TMCC1: variants seen among roughly 807,000 people sequenced by gnomAD.
TMCC1 encodes the protein transmembrane and coiled-coil domains protein 1.
In TMCC1, 15 loss-of-function variants were observed where a neutral mutation model predicts 52.4. That is an observed-to-expected ratio of 0.29 (90% confidence interval 0.19 to 0.44). TMCC1 has a LOEUF of 0.44. Ranked by LOEUF, TMCC1 falls within the 20% of genes least tolerant of loss-of-function variation. The pLI, the probability that TMCC1 is intolerant of heterozygous loss-of-function variation, is 1.00. For synonymous variants in TMCC1, 279 were observed against 301.9 expected, an observed-to-expected ratio of 0.92 and a Z score of 0.79; for missense variants, 503 against 806.0, an observed-to-expected ratio of 0.62 and a Z score of 4.55.
chr3:129,854,650 C>T (rs1208835762), intron 2 of TMCC1, among the ~76,000 whole-genome samples: 1 of 152,152 alleles, frequency 6.6e-6, no homozygotes, highest in African/African-American at 2.4e-5. Flanking sequence ...GGCCTCTGCA[C>T]TTGCTATTTC....
chr3:129,709,579 G>GT (rs1335732675), intron 4 of TMCC1, among the ~76,000 whole-genome samples: 25 of 148,732 alleles, frequency 1.7e-4, no homozygotes, highest in African/African-American at 6.2e-4. Flanking sequence ...TGAGGTCCAA[G>GT]TTTTTTGTTG....
chr3:129,746,599 GAAT>G (rs1253178760), intron 4 of TMCC1, among the ~76,000 whole-genome samples: 4 of 152,130 alleles, frequency 2.6e-5, no homozygotes, highest in Non-Finnish European at 4.4e-5. Context: ...TTGTGCATTT[GAAT>G]AATAGGTGTT....
At chr3:129,671,665 C>T (rs958642763) in intron 4 of TMCC1, among the ~76,000 whole-genome samples, 5 of 152,016 alleles carry the variant, frequency 3.3e-5, no homozygotes, top group Admixed American at 3.3e-4. Flanking sequence ...ATATGAAAAC[C>T]CTTTTGGTGT....
chr3:129,668,070 C>T (rs2087613349), intron 5 of TMCC1, among the ~76,000 whole-genome samples: 1 of 152,132 alleles, frequency 6.6e-6, no homozygotes, highest in African/African-American at 2.4e-5. Context: ...CACCTGTAGT[C>T]CCAGCTACTC....
chr3:129,772,577 G>T (rs1411604143), intron 4 of TMCC1, among the ~76,000 whole-genome samples: 1 of 151,518 alleles, frequency 6.6e-6, no homozygotes, highest in Non-Finnish European at 1.5e-5. Flanking sequence ...AAAAAAATTA[G>T]CTGGGTGTGG....
chr3:129,719,697 C>T (rs2049406876), intron 4 of TMCC1, among the ~76,000 whole-genome samples: 1 of 152,184 alleles, frequency 6.6e-6, no homozygotes, highest in Non-Finnish European at 1.5e-5. Context: ...ACAGACCTGG[C>T]ATCAGAATTG....
At chr3:129,878,933 C>G (rs576117789) in intron 2 of TMCC1, among the ~76,000 whole-genome samples, 1 of 152,328 alleles carries the variant, frequency 6.6e-6, no homozygotes, top group Admixed American at 6.5e-5. Context: ...AGGACATGTA[C>G]ACTGTGATTC....
At chr3:129,767,027 C>T (rs1362346561) in intron 4 of TMCC1, among the ~76,000 whole-genome samples, 2 of 151,764 alleles carry the variant, frequency 1.3e-5, no homozygotes, top group South Asian at 4.2e-4. Flanking sequence ...TTTGGGAGGC[C>T]GAGGTGGGCA....
chr3:129,788,622 C>A (rs892367509), intron 4 of TMCC1, among the ~76,000 whole-genome samples: 3 of 151,930 alleles, frequency 2.0e-5, no homozygotes, highest in Non-Finnish European at 2.9e-5. Context: ...GCCACCACGC[C>A]CGGCTAATTT....
At chr3:129,873,493 G>T (rs1008615651) in intron 2 of TMCC1, among the ~76,000 whole-genome samples, 2 of 151,818 alleles carry the variant, frequency 1.3e-5, no homozygotes, top group African/African-American at 2.4e-5. Context: ...ATCAACCTGG[G>T]CAACATAGCA....
chr3:129,891,602 A>G (rs2061965097), intron 1 of TMCC1, among the ~76,000 whole-genome samples: 1 of 152,192 alleles, frequency 6.6e-6, no homozygotes, highest in Non-Finnish European at 1.5e-5. Context: ...GATTTATATC[A>G]TTATCTGAAA....
chr3:129,788,703 C>T (rs181133138), intron 4 of TMCC1, among the ~76,000 whole-genome samples: 181 of 152,086 alleles, frequency 1.2e-3, no homozygotes, highest in African/African-American at 3.9e-3. Flanking sequence ...CTCCTGACCT[C>T]GTGATCCGCC....
At chr3:129,803,067 T>G (rs930912874) in intron 4 of TMCC1, among the ~76,000 whole-genome samples, 2 of 152,212 alleles carry the variant, frequency 1.3e-5, no homozygotes, top group Non-Finnish European at 2.9e-5. Flanking sequence ...AATTCTTTTA[T>G]CAGGAACCCA....
chr3:129,868,101 A>T (rs2060738163), intron 2 of TMCC1, among the ~76,000 whole-genome samples: 1 of 150,694 alleles, frequency 6.6e-6, no homozygotes, highest in Admixed American at 6.7e-5. Context: ...CAACGCCCAC[A>T]TCTCTAACAA....
intron 1 of TMCC1, among the ~76,000 whole-genome samples, chr3:129,889,419 G>A (rs1164345215): frequency 6.6e-6 from 1 of 152,192 alleles, no homozygotes; most frequent in African/African-American, 2.4e-5. Flanking sequence ...ATGGGATCCT[G>A]GGATAGTGAA....
At chr3:129,676,036 CAAAAAAAAA>C (rs61105005) in intron 4 of TMCC1, among the ~76,000 whole-genome samples, 1 of 46,312 alleles carries the variant, frequency 2.2e-5, no homozygotes, top group Non-Finnish European at 4.4e-5. Flanking sequence ...GACTCTGTCT[CAAAAAAAAA>C]AAAAAAAAAA....
chr3:129,772,935 T>C (rs907798968), intron 4 of TMCC1, among the ~76,000 whole-genome samples: 6 of 152,098 alleles, frequency 3.9e-5, no homozygotes, highest in African/African-American at 1.4e-4. Flanking sequence ...CAGAAACTGT[T>C]GGTAGGAATG....
chr3:129,726,905 C>T (rs2050151887), intron 4 of TMCC1, among the ~76,000 whole-genome samples: 1 of 38,002 alleles, frequency 2.6e-5, no homozygotes, highest in Non-Finnish European at 6.9e-5. Flanking sequence ...AAAAGAACCA[C>T]TGTTCAAACC....
At chr3:129,849,374 C>T (rs1161964160) in intron 2 of TMCC1, among the ~76,000 whole-genome samples, 2 of 151,440 alleles carry the variant, frequency 1.3e-5, no homozygotes, top group Admixed American at 6.6e-5. Context: ...GCATGAGAAT[C>T]GCTTGAACCC....
Sources: gnomAD v4.1 joint callset for allele counts (sites outside exome capture counted in the v4.1 genomes callset) on GRCh38, gnomAD v4.1.1 for gene constraint, MANE v1.5 for transcripts, NCBI Gene and HGNC (gene_info 2026-07-23, HGNC 2026-07-21) for gene names.